RNF24: variants seen among roughly 807,000 people sequenced by gnomAD.
The protein encoded by RNF24 is ring finger protein 24.
A neutral mutation model predicts 20.0 loss-of-function variants in RNF24; 14 were observed. That is an observed-to-expected ratio of 0.70 (90% confidence interval 0.46 to 1.10). RNF24 has a LOEUF of 1.10. Ranked by LOEUF, RNF24 falls within the 50% of genes least tolerant of loss-of-function variation. RNF24 has a pLI of 0.00. For synonymous variants in RNF24, 45 were observed against 61.1 expected, an observed-to-expected ratio of 0.74 and a Z score of 1.23; for missense variants, 124 against 177.6, an observed-to-expected ratio of 0.70 and a Z score of 1.71.
chr20:3,985,219 C>T (rs975585944), intron 1 of RNF24, among the ~76,000 whole-genome samples: 5 of 152,004 alleles, frequency 3.3e-5, no homozygotes, highest in East Asian at 1.9e-4. Flanking sequence ...TATGTTTCAT[C>T]GCAATGTTTT....
chr20:3,951,123 T>A (rs975215776), intron 2 of RNF24, among the ~76,000 whole-genome samples: 17 of 151,916 alleles, frequency 1.1e-4, no homozygotes, highest in South Asian at 2.1e-4. Flanking sequence ...GCCCGGCTAA[T>A]TTTTTTTGTA....
At chr20:3,971,959 G>A (rs1978388662) in intron 1 of RNF24, among the ~76,000 whole-genome samples, 1 of 152,074 alleles carries the variant, frequency 6.6e-6, no homozygotes, top group Admixed American at 6.6e-5. Context: ...GATGGAAAAA[G>A]ATATGTAATG....
Position 4,013,361 on chromosome 20 carries a change from AT to A in RNF24, c.-8+2075del, listed in dbSNP as rs550270038. Among the ~76,000 whole-genome samples the A allele has an allele frequency of 9.8e-5, 15 of 152,362 alleles. No individual in the cohort carries two copies. In the South Asian group the frequency reaches 3.1e-3, roughly 32 times the overall value. Reference sequence around the variant, plus strand: ...ACTACTAGGAATTAAAATACATGTGATTTTTAAAAATATTACAGAGAATCTT... The same window carrying A: ...ACTACTAGGAATTAAAATACATGTGATTTTAAAAATATTACAGAGAATCTT... On this transcript the variant is annotated intron_variant, in intron 1 of 5. Transcript: ENST00000358395.
chr20:4,007,896 G>T (rs1395017593), intron 1 of RNF24, among the ~76,000 whole-genome samples: 1 of 151,516 alleles, frequency 6.6e-6, no homozygotes, highest in Non-Finnish European at 1.5e-5. Context: ...CAGCCTGGGC[G>T]ACAGAACAAG....
intron 1 of RNF24, among the ~76,000 whole-genome samples, chr20:3,983,838 G>A (rs575703454): frequency 2.0e-5 from 3 of 151,528 alleles, no homozygotes; most frequent in Admixed American, 6.6e-5. Context: ...CTACTTGGGA[G>A]GCTGAGGCAG....
intron 1 of RNF24, among the ~76,000 whole-genome samples, chr20:3,992,889 GTTTC>G (rs1980568811): frequency 6.6e-6 from 1 of 152,090 alleles, no homozygotes; most frequent in Non-Finnish European, 1.5e-5. Flanking sequence ...TTACTACTTT[GTTTC>G]TTTGTCATAT....
intron 1 of RNF24, among the ~76,000 whole-genome samples, chr20:3,992,865 C>CT (rs1398715233): frequency 6.6e-6 from 1 of 152,138 alleles, no homozygotes; most frequent in Non-Finnish European, 1.5e-5. Context: ...ATTAAATAGA[C>CT]TACAGTGTTC....
chr20:3,934,137 GCTGTAGAA>G lies in RNF24; in HGVS notation c.365_372del (p.Val122AlafsTer7), dbSNP rs1384410775. The stretch of plus-strand genomic sequence containing the variant: ...TCCTGCTTACTGTGCAACTGGGCCA[GCTGTAGAA>G]CTGGCATGTTGCACAGGGGACACAC... On this transcript the variant is annotated frameshift_variant, in exon 6 of 6. Transcript: ENST00000358395. LOFTEE classifies it high-confidence loss of function. The surrounding 1 kb of genome is among the most constrained non-coding windows in gnomAD (Gnocchi z 4.0). 6.3e-7 allele frequency: 1 copy of G among 1,590,434 alleles called. No individual in the cohort carries two copies.
chr20:3,950,433 T>A (rs1272287060), intron 2 of RNF24, among the ~76,000 whole-genome samples: 1 of 152,168 alleles, frequency 6.6e-6, no homozygotes, highest in Non-Finnish European at 1.5e-5. Flanking sequence ...TGGTACTCAC[T>A]GGAAGCTAGG....
At position 4,008,000 on chromosome 20, in the gene RNF24, T is replaced by C. The variant is rs1479592997; in HGVS notation, c.-8+7437A>G. Among the ~76,000 whole-genome samples the C allele has an allele frequency of 2.6e-5, 4 of 151,172 alleles. No individual in the cohort carries two copies. In the East Asian group the frequency reaches 5.8e-4, roughly 22 times the overall value. ...GATAGCCCATATACCCTAGGAGATA[T>C]AGTATTTTGAACAAAAATATTATAG... On this transcript the variant is annotated intron_variant, in intron 1 of 5. Transcript: ENST00000358395.
intron 2 of RNF24, among the ~76,000 whole-genome samples, chr20:3,959,743 G>A (rs1383614428): frequency 3.3e-5 from 5 of 152,052 alleles, no homozygotes; most frequent in Admixed American, 3.3e-4. Context: ...TGACTTTCAT[G>A]TTTCTAAATA....
chr20:4,011,150 G>A (rs1982430443), intron 1 of RNF24, among the ~76,000 whole-genome samples: 1 of 152,152 alleles, frequency 6.6e-6, no homozygotes, highest in Non-Finnish European at 1.5e-5. Context: ...GAAGAAAAAG[G>A]GAATGAGGAT....
intron 1 of RNF24, among the ~76,000 whole-genome samples, chr20:4,009,233 C>A (rs1314494877): frequency 6.6e-6 from 1 of 152,114 alleles, no homozygotes; most frequent in Non-Finnish European, 1.5e-5. Flanking sequence ...ACGTAAACTT[C>A]TCTTTTGAGA....
At chr20:3,979,160 G>A (rs1291560975) in intron 1 of RNF24, among the ~76,000 whole-genome samples, 1 of 150,626 alleles carries the variant, frequency 6.6e-6, no homozygotes, top group Non-Finnish European at 1.5e-5. Flanking sequence ...TACTGTGTGT[G>A]CGTGTGTGTG....
chr20:3,973,864 G>C (rs1349839364), intron 1 of RNF24, among the ~76,000 whole-genome samples: 3 of 152,128 alleles, frequency 2.0e-5, no homozygotes, highest in African/African-American at 7.2e-5. Context: ...CAGAGAATGG[G>C]AGGGAACATT....
chr20:3,983,954 A>C (rs927492249), intron 1 of RNF24, among the ~76,000 whole-genome samples: 2 of 151,288 alleles, frequency 1.3e-5, no homozygotes, highest in Non-Finnish European at 3.0e-5. Flanking sequence ...AAAAAAAAAA[A>C]AAAAAAAAAA....
intron 4 of RNF24, among the ~76,000 whole-genome samples, chr20:3,944,588 C>T (rs2090995225): frequency 6.6e-6 from 1 of 152,106 alleles, no homozygotes; most frequent in Non-Finnish European, 1.5e-5. Flanking sequence ...AGAGGCAACA[C>T]AAGAAATAGA....
chr20:3,987,069 A>G (rs1979989813), intron 1 of RNF24, among the ~76,000 whole-genome samples: 1 of 152,242 alleles, frequency 6.6e-6, no homozygotes, highest in Non-Finnish European at 1.5e-5. Context: ...CACAACTCCC[A>G]GCCCTATACT....
At chr20:3,990,982 A>AT (rs1947014902) in intron 1 of RNF24, among the ~76,000 whole-genome samples, 1 of 152,146 alleles carries the variant, frequency 6.6e-6, no homozygotes, top group African/African-American at 2.4e-5. Context: ...TGCATGTGGC[A>AT]TATCACCTCT....
Sources: gnomAD v4.1 joint callset for allele counts (sites outside exome capture counted in the v4.1 genomes callset) on GRCh38, gnomAD v4.1.1 for gene constraint, Gnocchi (gnomAD v3.1) non-coding constraint, MANE v1.5 for transcripts, NCBI Gene and HGNC (gene_info 2026-07-23, HGNC 2026-07-21) for gene names.